RBFOX1: variants seen among roughly 807,000 people sequenced by gnomAD.
RBFOX1 encodes the protein RNA binding protein fox-1 homolog 1.
Under a neutral mutation model 57.7 loss-of-function variants are expected in RBFOX1, and 8 were observed. The observed-to-expected ratio is 0.14, with a 90% CI of 0.08 to 0.25. The LOEUF (loss-of-function observed/expected upper bound fraction) is 0.25, where lower values mean the gene tolerates loss of function less well. RBFOX1 is among the 10% of genes least tolerant of loss of function. The pLI is 1.00. For synonymous variants in RBFOX1, 326 were observed against 222.4 expected (o/e 1.47, Z -4.15); for missense variants, 611 against 548.5 (o/e 1.11, Z -1.14).
chr16:5,888,581 A>C (rs1255210019), intron 4 of RBFOX1, among the ~76,000 whole-genome samples: 1 of 152,058 alleles, frequency 6.6e-6, no homozygotes, highest in Non-Finnish European at 1.5e-5. Flanking sequence ...AGATAATCTG[A>C]GGTCAGGAGT....
At chr16:7,074,234 A>G (rs140210341) in intron 4 of RBFOX1, among the ~76,000 whole-genome samples, 3 of 152,340 alleles carry the variant, frequency 2.0e-5, no homozygotes, top group African/African-American at 7.2e-5. Context: ...TGTTTGAAAT[A>G]TTGTAGGGTT....
At chr16:6,729,780 T>A (rs1253562100) in intron 3 of RBFOX1, among the ~76,000 whole-genome samples, 1 of 152,112 alleles carries the variant, frequency 6.6e-6, no homozygotes, top group East Asian at 1.9e-4. Flanking sequence ...TCACTTAAGT[T>A]GAGTTTGTTT....
intron 3 of RBFOX1, among the ~76,000 whole-genome samples, chr16:5,690,811 G>T (rs1384427752): frequency 5.9e-5 from 9 of 152,146 alleles, no homozygotes; most frequent in Admixed American, 4.6e-4. Context: ...CTAGGCTGAA[G>T]TTTCCTGATG....
At chr16:7,406,725 G>T in intron 4 of RBFOX1, among the ~76,000 whole-genome samples, 1 of 152,178 alleles carries the variant, frequency 6.6e-6, no homozygotes, top group East Asian at 1.9e-4. Flanking sequence ...AAATTCCGTG[G>T]CTTACAACAT....
At chr16:5,401,684 T>C (rs1200548110) in intron 1 of RBFOX1, among the ~76,000 whole-genome samples, 3 of 152,174 alleles carry the variant, frequency 2.0e-5, no homozygotes, top group Non-Finnish European at 4.4e-5. Context: ...CCAGGGAAGA[T>C]TGGAAATTCA....
intron 2 of RBFOX1, among the ~76,000 whole-genome samples, chr16:6,574,887 A>C (rs1332773948): frequency 6.6e-6 from 1 of 150,800 alleles, no homozygotes; most frequent in Non-Finnish European, 1.5e-5. Context: ...AAATACAAAA[A>C]ATTTGGCAGG....
intron 3 of RBFOX1, among the ~76,000 whole-genome samples, chr16:5,772,482 A>G (rs562597101): frequency 2.0e-5 from 3 of 152,302 alleles, no homozygotes; most frequent in East Asian, 3.9e-4. Context: ...TTTCCCCATC[A>G]GTGTAACTTG....
chr16:6,645,774 C>T (rs991233130), intron 2 of RBFOX1, among the ~76,000 whole-genome samples: 9 of 152,104 alleles, frequency 5.9e-5, no homozygotes, highest in Non-Finnish European at 1.3e-4. Context: ...GATAACTTGC[C>T]ATATGCTAAG....
chr16:7,578,041 T>TG (rs780961065), intron 5 of RBFOX1, among the ~76,000 whole-genome samples: 4 of 152,266 alleles, frequency 2.6e-5, no homozygotes, highest in Admixed American at 1.3e-4. Flanking sequence ...AGTAAAGATG[T>TG]GTAAACACTT....
At chr16:7,004,103 A>T (rs959673552) in intron 3 of RBFOX1, 3 of 151,892 alleles carry the variant, frequency 2.0e-5, no homozygotes, top group African/African-American at 7.3e-5. Flanking sequence ...TGTGTTGCCA[A>T]TGTGGACACT....
At chr16:6,501,754 C>A (rs1223701922) in intron 2 of RBFOX1, among the ~76,000 whole-genome samples, 1 of 152,086 alleles carries the variant, frequency 6.6e-6, no homozygotes, top group Non-Finnish European at 1.5e-5. Flanking sequence ...CCAGGCACTG[C>A]TTTTCCATAT....
chr16:6,940,280 C>G (rs1054906145), intron 3 of RBFOX1, among the ~76,000 whole-genome samples: 2 of 152,142 alleles, frequency 1.3e-5, no homozygotes, highest in Admixed American at 1.3e-4. Flanking sequence ...TTGTTGCTGC[C>G]CATATAGGAA....
intron 3 of RBFOX1, among the ~76,000 whole-genome samples, chr16:6,744,126 A>G (rs1259304486): frequency 6.6e-6 from 1 of 152,182 alleles, no homozygotes; most frequent in Non-Finnish European, 1.5e-5. Context: ...AGAGAAAAAT[A>G]CATCAGGGAT....
At chr16:5,981,668 C>T (rs1301162950) in intron 4 of RBFOX1, among the ~76,000 whole-genome samples, 1 of 152,012 alleles carries the variant, frequency 6.6e-6, no homozygotes, top group Non-Finnish European at 1.5e-5. Flanking sequence ...GGGGTTTCAC[C>T]ATATTGGTCA....
intron 1 of RBFOX1, among the ~76,000 whole-genome samples, chr16:6,186,948 G>A (rs1364000537): frequency 6.6e-6 from 1 of 152,116 alleles, no homozygotes; most frequent in Non-Finnish European, 1.5e-5. Context: ...ACAAGTCATT[G>A]GATGTTTCTG....
chr16:5,662,895 TAAAG>T (rs1025500994), intron 3 of RBFOX1, among the ~76,000 whole-genome samples: 1 of 152,192 alleles, frequency 6.6e-6, no homozygotes, highest in Non-Finnish European at 1.5e-5. Context: ...AAGGATTAAA[TAAAG>T]AGCATATATC....
intron 3 of RBFOX1, among the ~76,000 whole-genome samples, chr16:5,844,322 A>G (rs775016877): frequency 6.6e-6 from 1 of 152,238 alleles, no homozygotes; most frequent in Non-Finnish European, 1.5e-5. Flanking sequence ...TGCATTTTAA[A>G]ATCTGGTTGT....
intron 1 of RBFOX1, among the ~76,000 whole-genome samples, chr16:6,142,473 G>A (rs139866837): frequency 0.033 from 5,032 of 151,906 alleles, 291 homozygotes; most frequent in African/African-American, 0.12. Context: ...CGCCCGCCTC[G>A]GCCTCCCAAA....
At chr16:5,701,899 A>C (rs540002977) in intron 3 of RBFOX1, among the ~76,000 whole-genome samples, 3 of 152,324 alleles carry the variant, frequency 2.0e-5, no homozygotes, top group African/African-American at 7.2e-5. Flanking sequence ...TTTCTAGTAG[A>C]GGTTTTGCTA....
Sources: gnomAD v4.1 joint callset for allele counts (sites outside exome capture counted in the v4.1 genomes callset) on GRCh38, gnomAD v4.1.1 for gene constraint, MANE v1.5 for transcripts, NCBI Gene and HGNC (gene_info 2026-07-23, HGNC 2026-07-21) for gene names.